The following ANOS1 variants were observed in gnomAD, a reference collection of about 807,000 sequenced individuals.
ANOS1 encodes anosmin 1, also known as anosmin-1.
A neutral mutation model predicts 59.0 loss-of-function variants in ANOS1; 6 were observed. That is an observed-to-expected ratio of 0.10 (90% CI 0.06 to 0.20). The LOEUF is 0.20. ANOS1 is among the 10% of genes least tolerant of loss of function. The probability of loss-of-function intolerance (pLI) is 1.00; values close to 1 mark genes in which losing one functional copy is unlikely to be tolerated. For synonymous variants in ANOS1, 217 were observed against 223.4 expected (o/e 0.97, Z 0.25); for missense variants, 433 against 542.3 (o/e 0.80, Z 2.00).
Position 8,716,992 on chromosome X carries a change from T to C in ANOS1, c.207+14838A>G, listed in dbSNP as rs147729013. Among the ~76,000 whole-genome samples, 578 of 111,495 alleles carry C rather than the reference T, an allele frequency of 5.2e-3. 3 individuals are homozygous for C. The highest frequency in any genetic ancestry group is 8.5e-3 in the Non-Finnish European group (450 of 53,110). ...TTGTCATGACTGAAGGTGGGAGGCA[T>C]GGTACTGGCATTGAGTAGGGAGAGG... On this transcript the variant is annotated intron_variant, in intron 1 of 13. Transcript: ENST00000262648.
In ANOS1 at chrX:8,729,027, C is replaced by T. The variant is rs927766633; in HGVS notation, c.207+2803G>A. Among the ~76,000 whole-genome samples, 9 of 112,312 alleles carry T rather than the reference C, an allele frequency of 8.0e-5. No individual in the cohort carries two copies. In the East Asian group the frequency reaches 2.3e-3, roughly 28 times the overall value. ...GACAACTGGGGCACAGACTATGAGA[C>T]GACAGCTTCCTCTGCAGGCCGACGA... On this transcript the variant is annotated intron_variant, in intron 1 of 13. Coordinates refer to ENST00000262648, the MANE Select transcript of ANOS1 (RefSeq NM_000216.4).
At chrX:8,675,667 G>T (rs1343807143) in intron 2 of ANOS1, among the ~76,000 whole-genome samples, 1 of 109,968 alleles carries the variant, frequency 9.1e-6, no homozygotes, top group Non-Finnish European at 1.9e-5. Context: ...CTCTCTCTGG[G>T]TGCCTTAATT....
intron 6 of ANOS1, among the ~76,000 whole-genome samples, chrX:8,580,245 G>A (rs1011392051): frequency 8.9e-6 from 1 of 111,963 alleles, no homozygotes; most frequent in African/African-American, 3.3e-5. Flanking sequence ...GTAGAAATGA[G>A]CACTAGGCAT....
At chrX:8,581,721 T>C (rs1930428207) in intron 6 of ANOS1, among the ~76,000 whole-genome samples, 1 of 111,947 alleles carries the variant, frequency 8.9e-6, no homozygotes, top group Non-Finnish European at 1.9e-5. Context: ...GCTCATCAAA[T>C]GTAGAAAAGA....
intron 1 of ANOS1, among the ~76,000 whole-genome samples, chrX:8,726,563 C>T (rs1932922401): frequency 8.9e-6 from 1 of 112,220 alleles, no homozygotes; most frequent in African/African-American, 3.2e-5. Context: ...TTCCTCAAAC[C>T]CTACTGTTTT....
intron 2 of ANOS1, among the ~76,000 whole-genome samples, chrX:8,646,478 T>G (rs1406408080): frequency 9.0e-6 from 1 of 111,195 alleles, no homozygotes; most frequent in Non-Finnish European, 1.9e-5. Flanking sequence ...GATACTGTAT[T>G]TCTCAGCATG....
In ANOS1 at chrX:8,562,220, C is replaced by T. The variant is rs910079693; in HGVS notation, c.1207+6012G>A. Among the ~76,000 whole-genome samples, 6 of 109,838 alleles carry T rather than the reference C, an allele frequency of 5.5e-5. No individual in the cohort carries two copies. In the South Asian group the frequency reaches 1.1e-3, roughly 21 times the overall value. On this transcript the variant is annotated intron_variant, in intron 8 of 13. Coordinates refer to ENST00000262648, the MANE Select transcript of ANOS1 (RefSeq NM_000216.4). ...CCTCCCAAAGTGCTGGGATTACAGGCGTGAGCTACCGCGCCCAGCCCTAGG... is the reference window on the plus strand; with the variant it reads ...CCTCCCAAAGTGCTGGGATTACAGGTGTGAGCTACCGCGCCCAGCCCTAGG...
chrX:8,604,763 T>G (rs938289077), intron 3 of ANOS1, among the ~76,000 whole-genome samples: 5 of 112,410 alleles, frequency 4.4e-5, no homozygotes, highest in Non-Finnish European at 5.6e-5. Flanking sequence ...AAAAGATATA[T>G]TTCAGGATGC....
intron 4 of ANOS1, among the ~76,000 whole-genome samples, chrX:8,592,826 A>C (rs1403141868): frequency 8.9e-6 from 1 of 111,936 alleles, no homozygotes; most frequent in Non-Finnish European, 1.9e-5. Context: ...TAATAATTTT[A>C]TTTAAAAAGT....
At position 8,534,346 on chromosome X, in the gene ANOS1, G is replaced by T; in HGVS notation, c.1957C>A (p.Pro653Thr). ...GPATIKTFRTPELPPSSAHRS... is the reference protein window; with the variant it reads ...GPATIKTFRTTELPPSSAHRS... ...TGTGCTGAAGAGGGTGGGAGCTCCG[G>T]CGTCCGGAACGTCTTGATGGTGGCC... is the stretch of plus-strand genomic sequence containing the variant. Residue 653 changes from proline (P) to threonine (T), a missense_variant, in exon 13 of 14, where the codon CCG (proline) becomes ACG (threonine). Physicochemically the swap from Pro to Thr is conservative, Grantham distance 38. Coordinates refer to ENST00000262648, the MANE Select transcript of ANOS1 (RefSeq NM_000216.4). 1 of 1,211,648 alleles carries T rather than the reference G, an allele frequency of 8.3e-7. No homozygotes were observed. Among genetic ancestry groups the T allele is most frequent in the Admixed American group, 2.2e-5 (1 of 46,025 alleles).
At chrX:8,536,188 CTT>C (rs1304219147) in intron 11 of ANOS1, among the ~76,000 whole-genome samples, 2 of 31,891 alleles carry the variant, frequency 6.3e-5, no homozygotes, top group Admixed American at 1.1e-3. Flanking sequence ...AAATCCGAAG[CTT>C]TTTTTTTTTT....
intron 2 of ANOS1, among the ~76,000 whole-genome samples, chrX:8,654,977 G>C (rs149052580): frequency 0.021 from 2,374 of 111,814 alleles, 59 homozygotes; most frequent in African/African-American, 0.072. Context: ...CTGCTTTCAC[G>C]CTATGTCAGC....
intron 6 of ANOS1, among the ~76,000 whole-genome samples, chrX:8,572,241 T>A (rs1298460048): frequency 9.0e-6 from 1 of 110,627 alleles, no homozygotes; most frequent in Non-Finnish European, 1.9e-5. Context: ...CACCTAGGTA[T>A]TAAGCCCAGC....
At chrX:8,640,454 C>T (rs941117878) in intron 2 of ANOS1, among the ~76,000 whole-genome samples, 4 of 110,487 alleles carry the variant, frequency 3.6e-5, no homozygotes, top group Non-Finnish European at 7.6e-5. Context: ...ATGGCCCCAC[C>T]GAATCAATTC....
chrX:8,708,545 A>T (rs1932792894), intron 1 of ANOS1, among the ~76,000 whole-genome samples: 1 of 112,353 alleles, frequency 8.9e-6, no homozygotes, highest in African/African-American at 3.2e-5. Context: ...GAGAAATGCA[A>T]ATCAAAACCA....
chrX:8,587,158 T>G (rs780868072), intron 5 of ANOS1, among the ~76,000 whole-genome samples: 1 of 110,740 alleles, frequency 9.0e-6, no homozygotes, highest in East Asian at 2.8e-4. Context: ...CAGCTGGTAC[T>G]GGATTTAACA....
intron 1 of ANOS1, among the ~76,000 whole-genome samples, chrX:8,708,096 T>A (rs1220623297): frequency 8.9e-6 from 1 of 111,892 alleles, no homozygotes; most frequent in Non-Finnish European, 1.9e-5. Context: ...TGCCAGCACA[T>A]GCCTGTAATC....
rs1244157184 is a variant in ANOS1 at position 8,532,452 on chromosome X, G to C, written c.*543C>G. ...TAGGAGCATTTTTAGATTTAAATTC[G>C]CTGGTATATTTTAGATTACACATTT... On this transcript the variant is annotated 3_prime_UTR_variant, in exon 14 of 14. Transcript: ENST00000262648. 9.0e-6 allele frequency: 1 copy of C among 111,541 alleles called. No homozygotes were observed. The highest frequency in any genetic ancestry group is 3.3e-5 in the African/African-American group (1 of 30,642). 9.2% of individuals were successfully genotyped at this position (111,541 alleles called of 1,213,427 possible). A position where few individuals can be genotyped will look rare whatever the true frequency, so the allele number is the denominator to read the frequency against.
intron 2 of ANOS1, among the ~76,000 whole-genome samples, chrX:8,667,578 G>A (rs1645313860): frequency 8.9e-6 from 1 of 111,745 alleles, no homozygotes; most frequent in Non-Finnish European, 1.9e-5. Flanking sequence ...AACCACTGTG[G>A]GCCGGGGCTT....
Sources: allele counts gnomAD v4.1 joint callset (sites outside exome capture counted in the v4.1 genomes callset), GRCh38; gene constraint gnomAD v4.1.1; transcripts MANE v1.5; gene names NCBI Gene and HGNC (gene_info 2026-07-23, HGNC 2026-07-21).